The following FBXW7 variants were observed in gnomAD, a reference collection of about 807,000 sequenced individuals.
FBXW7 encodes the protein F-box/WD repeat-containing protein 7.
In FBXW7, 11 loss-of-function variants were observed where a neutral mutation model predicts 86.3. That is an observed-to-expected ratio of 0.13 (90% CI 0.08 to 0.21). The LOEUF (loss-of-function observed/expected upper bound fraction) is 0.21. Ranked by LOEUF, FBXW7 falls within the 10% of genes least tolerant of loss-of-function variation. The pLI is 1.00. For synonymous variants in FBXW7, 313 were observed against 297.9 expected, an observed-to-expected ratio of 1.05 and a Z score of -0.52; for missense variants, 488 against 847.4, an observed-to-expected ratio of 0.58 and a Z score of 5.27.
intron 2 of FBXW7, among the ~76,000 whole-genome samples, chr4:152,518,239 T>C (rs1748688302): frequency 6.6e-6 from 1 of 152,290 alleles, no homozygotes; most frequent in East Asian, 1.9e-4. Context: ...TCCACCCGCC[T>C]TGGACTCCCA....
At chr4:152,355,930 G>C (rs1041151071) in intron 4 of FBXW7, among the ~76,000 whole-genome samples, 1 of 152,116 alleles carries the variant, frequency 6.6e-6, no homozygotes, top group Non-Finnish European at 1.5e-5. Flanking sequence ...GTTTTTAGAA[G>C]GGCAAGTTGT....
At chr4:152,427,505 T>C (rs566861480) in intron 2 of FBXW7, among the ~76,000 whole-genome samples, 56 of 152,338 alleles carry the variant, frequency 3.7e-4, no homozygotes, top group African/African-American at 1.2e-3. Context: ...CTGCAATTCA[T>C]TAGCTTCTGT....
intron 8 of FBXW7, among the ~76,000 whole-genome samples, chr4:152,331,392 A>G (rs958826147): frequency 2.6e-5 from 4 of 152,108 alleles, no homozygotes; most frequent in African/African-American, 9.6e-5. Flanking sequence ...ACAATGGAAT[A>G]AAGGAAATTC....
At chr4:152,346,823 C>T (rs1047457494) in intron 6 of FBXW7, 107 bp downstream of exon 6, 3 of 1,390,702 alleles carry the variant, frequency 2.2e-6, no homozygotes, top group Non-Finnish European at 2.9e-6. Context: ...AAAATTCATC[C>T]ACAGTATACT....
intron 4 of FBXW7, among the ~76,000 whole-genome samples, chr4:152,409,234 C>T (rs983524909): frequency 6.6e-6 from 1 of 152,108 alleles, no homozygotes; most frequent in African/African-American, 2.4e-5. Context: ...TTGTAGAAAG[C>T]TAATCCTATG....
chr4:152,355,778 C>G (rs1265689205), intron 4 of FBXW7, among the ~76,000 whole-genome samples: 1 of 151,944 alleles, frequency 6.6e-6, no homozygotes, highest in African/African-American at 2.4e-5. Flanking sequence ...AACTAGTGTG[C>G]TAGCATAGAA....
intron 2 of FBXW7, among the ~76,000 whole-genome samples, chr4:152,518,975 C>T (rs1352608730): frequency 6.6e-6 from 1 of 151,788 alleles, no homozygotes; most frequent in Non-Finnish European, 1.5e-5. Context: ...TTACAAACAC[C>T]AAATCAGCAA....
intron 2 of FBXW7, among the ~76,000 whole-genome samples, chr4:152,455,273 G>C (rs994500665): frequency 2.0e-5 from 3 of 152,188 alleles, no homozygotes; most frequent in Non-Finnish European, 4.4e-5. Context: ...AGGAGAGTTA[G>C]TCACATAACT....
chr4:152,459,313 C>T (rs555782353), intron 2 of FBXW7, among the ~76,000 whole-genome samples: 15 of 152,306 alleles, frequency 9.8e-5, no homozygotes, highest in African/African-American at 3.1e-4. Flanking sequence ...TTCAATAAAA[C>T]AGAGTACCCA....
chr4:152,463,728 C>CT (rs1394759228), intron 2 of FBXW7, among the ~76,000 whole-genome samples: 1 of 152,066 alleles, frequency 6.6e-6, no homozygotes, highest in Non-Finnish European at 1.5e-5. Flanking sequence ...AAACAGGTCA[C>CT]TAAGAAAAAT....
chr4:152,359,089 C>A lies in FBXW7; in HGVS notation c.502-8965G>T, dbSNP rs1270461255. Among the ~76,000 whole-genome samples the A allele has an allele frequency of 2.6e-5, 4 of 152,048 alleles. No homozygotes were observed. The East Asian group carries it at 7.7e-4, about 29-fold the overall frequency. On this transcript the variant is annotated intron_variant, in intron 4 of 13. Coordinates refer to ENST00000281708, the MANE Select transcript of FBXW7 (RefSeq NM_001349798.2). Reference sequence around the variant, plus strand: ...AGTTTATTGAATCGTTATTTTAGGTCCATATTAACTATGCTTCTACTACAT... The same window carrying A: ...AGTTTATTGAATCGTTATTTTAGGTACATATTAACTATGCTTCTACTACAT...
chr4:152,398,580 A>T (rs1263104689), intron 4 of FBXW7, among the ~76,000 whole-genome samples: 1 of 152,042 alleles, frequency 6.6e-6, no homozygotes, highest in Non-Finnish European at 1.5e-5. Flanking sequence ...TACTGAATCT[A>T]AGGCAAATTT....
intron 13 of FBXW7, 88 bp downstream of exon 13, chr4:152,324,096 G>T: frequency 9.9e-7 from 1 of 1,011,608 alleles, no homozygotes; most frequent in Non-Finnish European, 1.5e-6. Context: ...GTATGAGGTT[G>T]ACTCTTTTTG....
At chr4:152,404,781 G>C (rs1206527491) in intron 4 of FBXW7, among the ~76,000 whole-genome samples, 1 of 152,004 alleles carries the variant, frequency 6.6e-6, no homozygotes, top group Non-Finnish European at 1.5e-5. Context: ...TTCTAGTCTA[G>C]CTTAGGTACA....
intron 2 of FBXW7, among the ~76,000 whole-genome samples, chr4:152,486,442 T>C (rs193102894): frequency 6.6e-6 from 1 of 152,310 alleles, no homozygotes; most frequent in Non-Finnish European, 1.5e-5. Flanking sequence ...TTATCTTTAT[T>C]TTACAAGCCT....
chr4:152,418,641 T>C lies in FBXW7; in HGVS notation c.-119-6112A>G, dbSNP rs577198614. On this transcript the variant is annotated intron_variant, in intron 2 of 13. Transcript: ENST00000281708. ...AAAGATCTGCAGTTTTATCATACAT[T>C]AAAGATGAGTTTTACTAATCTTTCC... 9.5e-4 allele frequency among the ~76,000 whole-genome samples: 145 copies of C among 152,326 alleles called. 1 individual carries two copies. The highest frequency in any genetic ancestry group is 9.3e-3 in the Admixed American group (142 of 15,296).
At chr4:152,500,150 T>C (rs1331744940) in intron 2 of FBXW7, among the ~76,000 whole-genome samples, 1 of 152,218 alleles carries the variant, frequency 6.6e-6, no homozygotes, top group African/African-American at 2.4e-5. Flanking sequence ...TCCAGACCTC[T>C]TAGTAGAGAA....
At chr4:152,395,421 T>G (rs1414539924) in intron 4 of FBXW7, among the ~76,000 whole-genome samples, 4 of 152,070 alleles carry the variant, frequency 2.6e-5, no homozygotes, top group Non-Finnish European at 5.9e-5. Context: ...TGCCCTCATA[T>G]TCTACTCCAG....
At position 152,352,721 on chromosome 4, in the gene FBXW7, G is replaced by T. The variant is rs2126664494; in HGVS notation, c.502-2597C>A. On this transcript the variant is annotated intron_variant, in intron 4 of 13. Coordinates refer to ENST00000281708, the MANE Select transcript of FBXW7 (RefSeq NM_001349798.2). The stretch of plus-strand genomic sequence containing the variant: ...CAGCTCAGTATCAAACCGCTTCTCG[G>T]GACACACATACATACATGCAGCTTG... 5 of 1,613,578 alleles carry T rather than the reference G, an allele frequency of 3.1e-6. No homozygotes were observed. The East Asian group carries it at 1.1e-4, about 36-fold the overall frequency.
Sources: gnomAD v4.1 joint callset for allele counts (sites outside exome capture counted in the v4.1 genomes callset) on GRCh38, gnomAD v4.1.1 for gene constraint, MANE v1.5 for transcripts, NCBI Gene and HGNC (gene_info 2026-07-23, HGNC 2026-07-21) for gene names.